Variants in DENND1A observed in about 807,000 individuals in gnomAD.
DENND1A encodes DENN domain containing 1A.
DENND1A carries 51 observed loss-of-function variants against 113.7 expected under a neutral mutation model. That is an observed-to-expected ratio of 0.45 (90% CI 0.36 to 0.57). The LOEUF is 0.57. Ranked by LOEUF, DENND1A falls within the 20% of genes least tolerant of loss-of-function variation. The pLI, the probability that DENND1A is intolerant of heterozygous loss-of-function variation, is 0.00. For missense variants in DENND1A, 1,258 were observed against 1,395.9 expected, an observed-to-expected ratio of 0.90 and a Z score of 1.57; for synonymous variants, 565 against 570.8, an observed-to-expected ratio of 0.99 and a Z score of 0.14.
At chr9:123,824,253 C>T (rs926580059) in intron 2 of DENND1A, among the ~76,000 whole-genome samples, 1 of 152,126 alleles carries the variant, frequency 6.6e-6, no homozygotes, top group African/African-American at 2.4e-5. Context: ...TCTAGAAACA[C>T]CCCAAAACTT....
chr9:123,688,801 C>T (rs552468037), intron 5 of DENND1A, among the ~76,000 whole-genome samples: 20 of 152,216 alleles, frequency 1.3e-4, no homozygotes, highest in African/African-American at 4.8e-4. Context: ...TACCCTCAGC[C>T]ACTCCCGATT....
At chr9:123,681,838 T>G (rs1194332086) in intron 5 of DENND1A, among the ~76,000 whole-genome samples, 1 of 151,632 alleles carries the variant, frequency 6.6e-6, no homozygotes, top group Non-Finnish European at 1.5e-5. Flanking sequence ...AATACTATTC[T>G]CCAGTAATAG....
At chr9:123,647,230 T>C (rs1229728849) in intron 9 of DENND1A, among the ~76,000 whole-genome samples, 1 of 152,002 alleles carries the variant, frequency 6.6e-6, no homozygotes, top group African/African-American at 2.4e-5. Flanking sequence ...AAAAAAAATG[T>C]AAGAACCCCA....
intron 10 of DENND1A, 53 bp downstream of exon 10, chr9:123,630,323 G>A (rs539929505): frequency 3.8e-5 from 45 of 1,184,940 alleles, no homozygotes; most frequent in South Asian, 1.8e-4. Context: ...CACCTAACAC[G>A]CCCAGTCAGA....
chr9:123,910,525 A>C (rs1853762537), intron 1 of DENND1A, among the ~76,000 whole-genome samples: 1 of 152,250 alleles, frequency 6.6e-6, no homozygotes, highest in Admixed American at 6.5e-5. Flanking sequence ...TCTAGGATAA[A>C]ACAAACAAAA....
chr9:123,582,063 G>A (rs146060593), intron 12 of DENND1A, among the ~76,000 whole-genome samples: 68 of 152,374 alleles, frequency 4.5e-4, no homozygotes, highest in Non-Finnish European at 8.1e-4. Context: ...CCCACATTCT[G>A]TGTAGACCTG....
At chr9:123,650,362 G>T (rs1343641446) in intron 9 of DENND1A, among the ~76,000 whole-genome samples, 1 of 152,166 alleles carries the variant, frequency 6.6e-6, no homozygotes, top group East Asian at 1.9e-4. Context: ...AGTAGTCTCA[G>T]AGAGTTTTCA....
intron 21 of DENND1A, among the ~76,000 whole-genome samples, chr9:123,402,242 GCACA>G (rs60657662): frequency 1.3e-4 from 17 of 128,094 alleles, no homozygotes; most frequent in East Asian, 9.5e-4. Context: ...GCGCACACGT[GCACA>G]CACACACACA....
At chr9:123,402,330 C>T (rs1198139347) in intron 21 of DENND1A, among the ~76,000 whole-genome samples, 1 of 152,210 alleles carries the variant, frequency 6.6e-6, no homozygotes, top group Non-Finnish European at 1.5e-5. Flanking sequence ...GGGCTGGTTC[C>T]TTAAAGACCG....
intron 5 of DENND1A, among the ~76,000 whole-genome samples, chr9:123,739,205 C>CAGA (rs1039838553): frequency 1.3e-5 from 2 of 152,062 alleles, no homozygotes; most frequent in Non-Finnish European, 2.9e-5. Flanking sequence ...TCAGGGCTGA[C>CAGA]TTATGAGTTT....
intron 5 of DENND1A, among the ~76,000 whole-genome samples, chr9:123,692,142 A>G (rs1299551686): frequency 2.0e-5 from 3 of 152,206 alleles, no homozygotes; most frequent in African/African-American, 7.2e-5. Flanking sequence ...CTTCCTGTTT[A>G]CCTAACAAAG....
intron 10 of DENND1A, among the ~76,000 whole-genome samples, chr9:123,629,881 G>A (rs760147400): frequency 1.3e-5 from 2 of 152,106 alleles, no homozygotes; most frequent in African/African-American, 2.4e-5. Context: ...AAACAAACAC[G>A]CAACCTTTTG....
chr9:123,509,221 C>T (rs1454061001), intron 13 of DENND1A, among the ~76,000 whole-genome samples: 2 of 152,172 alleles, frequency 1.3e-5, no homozygotes, highest in African/African-American at 4.8e-5. Flanking sequence ...GTACTGTGGA[C>T]AAATTTTGGC....
At chr9:123,386,234 C>T (rs572896364) in intron 22 of DENND1A, among the ~76,000 whole-genome samples, 17 of 151,808 alleles carry the variant, frequency 1.1e-4, no homozygotes, top group Admixed American at 2.0e-4. Flanking sequence ...TAATACATTA[C>T]GCCTATGACA....
chr9:123,534,777 G>A (rs375719770), intron 13 of DENND1A, among the ~76,000 whole-genome samples: 6 of 152,162 alleles, frequency 3.9e-5, no homozygotes, highest in East Asian at 3.8e-4. Context: ...CCTGTGAAAC[G>A]TCTGATCATA....
At chr9:123,646,351 G>A (rs555182760) in intron 9 of DENND1A, among the ~76,000 whole-genome samples, 2 of 152,246 alleles carry the variant, frequency 1.3e-5, no homozygotes, top group East Asian at 3.9e-4. Flanking sequence ...TAACTCTCTT[G>A]AGGAATTCTG....
chr9:123,644,910 T>TGTAG (rs1432714963), intron 9 of DENND1A, among the ~76,000 whole-genome samples: 1 of 152,200 alleles, frequency 6.6e-6, no homozygotes, highest in African/African-American at 2.4e-5. Context: ...TTTGACCTAC[T>TGTAG]TGCTCTCCAT....
In DENND1A at chr9:123,557,119, C is replaced by A. The variant is rs976335918; in HGVS notation, c.993+451G>T. The stretch of plus-strand genomic sequence containing the variant: ...GTGGAGGAGCGGTCCCGTGAAAGAA[C>A]AGGGGTGGCGAGGCCCAGTGGGAAA... On this transcript the variant is annotated intron_variant, in intron 13 of 23. Transcript: ENST00000394215. Among the ~76,000 whole-genome samples, 3 of 152,342 alleles carry A rather than the reference C, an allele frequency of 2.0e-5. No homozygotes were observed. The Middle Eastern group carries it at 0.01, about 518-fold the overall frequency.
chr9:123,652,688 A>G (rs2062724582), intron 8 of DENND1A, among the ~76,000 whole-genome samples: 1 of 152,136 alleles, frequency 6.6e-6, no homozygotes, highest in Non-Finnish European at 1.5e-5. Context: ...CCCCTCCTTC[A>G]CAGTTTACAT....
Sources: allele counts gnomAD v4.1 joint callset (sites outside exome capture counted in the v4.1 genomes callset), GRCh38; gene constraint gnomAD v4.1.1; transcripts MANE v1.5; gene names NCBI Gene and HGNC (gene_info 2026-07-23, HGNC 2026-07-21).